Variants in LCOR observed in about 807,000 individuals in gnomAD.
LCOR encodes ligand-dependent corepressor.
Under a neutral mutation model 64.4 loss-of-function variants are expected in LCOR, and 14 were observed. That is an observed-to-expected ratio of 0.22 (90% CI 0.14 to 0.34). The LOEUF (loss-of-function observed/expected upper bound fraction) is 0.34. Among genes scored for constraint, LCOR ranks in the 10% least tolerant of loss-of-function variants. The pLI is 1.00. For missense variants in LCOR, 1,686 were observed against 1,765.3 expected (o/e 0.96, Z 0.80); for synonymous variants, 643 against 642.5 (o/e 1.00, Z -0.01).
In LCOR at chr10:96,916,178, C is replaced by CTAA. The variant is rs1589653306; in HGVS notation, c.-184+8431_-184+8432insTAA. Among the ~76,000 whole-genome samples the CTAA allele has an allele frequency of 2.0e-5, 3 of 152,092 alleles. No individual in the cohort carries two copies. In the East Asian group the frequency reaches 5.8e-4, roughly 30 times the overall value. ...TCCTGAGTAGCTGGGACTACAGGTG[C>CTAA]CCGCCACCACTCCCGTCTAACTTTT... On this transcript the variant is annotated intron_variant, in intron 4 of 7. Coordinates refer to ENST00000421806, the MANE Select transcript of LCOR (RefSeq NM_001346516.2).
rs532254672 is a variant in LCOR at position 96,885,112 on chromosome 10, A to G, written c.-329-22153A>G. On this transcript the variant is annotated intron_variant, in intron 2 of 7. Transcript: ENST00000421806. Reference sequence around the variant, plus strand: ...TCAACTGGAAGTTTCCTGTAAATCTATTTATAGACCTTTTGGGAAAATGCC... The same window carrying G: ...TCAACTGGAAGTTTCCTGTAAATCTGTTTATAGACCTTTTGGGAAAATGCC... Among the ~76,000 whole-genome samples, 15 of 152,306 alleles carry G rather than the reference A, an allele frequency of 9.8e-5. No homozygotes were observed. The South Asian group carries it at 2.7e-3, about 27-fold the overall frequency.
At chr10:96,958,614 AC>A (rs1209146568) in intron 7 of LCOR, 5 of 599,470 alleles carry the variant, frequency 8.3e-6, no homozygotes, top group African/African-American at 1.9e-5. Flanking sequence ...AAGTCCTGAG[AC>A]CTGAAGATTG....
At chr10:96,931,261 T>G (rs937145187) in intron 4 of LCOR, among the ~76,000 whole-genome samples, 4 of 149,252 alleles carry the variant, frequency 2.7e-5, no homozygotes, top group Non-Finnish European at 4.4e-5. Flanking sequence ...TGAGATGGAG[T>G]CTTGCTCTGT....
chr10:96,865,961 T>C (rs1295509229), intron 2 of LCOR, among the ~76,000 whole-genome samples: 4 of 152,126 alleles, frequency 2.6e-5, no homozygotes, highest in African/African-American at 9.7e-5. Context: ...GCCAATCTCT[T>C]ACTGCCACAG....
At chr10:96,929,988 A>G (rs970613145) in intron 4 of LCOR, among the ~76,000 whole-genome samples, 2 of 152,182 alleles carry the variant, frequency 1.3e-5, no homozygotes, top group African/African-American at 2.4e-5. Context: ...TGGGACCTCA[A>G]AATAATTCAC....
chr10:96,913,491 G>A (rs954371145), intron 4 of LCOR, among the ~76,000 whole-genome samples: 4 of 152,168 alleles, frequency 2.6e-5, no homozygotes, highest in African/African-American at 7.2e-5. Context: ...GTAAAGTACA[G>A]ATAACATGGA....
intron 4 of LCOR, among the ~76,000 whole-genome samples, chr10:96,932,983 T>C (rs1847288178): frequency 6.6e-6 from 1 of 152,224 alleles, no homozygotes; most frequent in Admixed American, 6.5e-5. Flanking sequence ...TTCATTAAAA[T>C]GCACAGTTAT....
chr10:96,959,043 C>T (rs1396902832), intron 7 of LCOR: 1 of 151,274 alleles, frequency 6.6e-6, no homozygotes, highest in East Asian at 1.9e-4. Flanking sequence ...TTCAGAGTTC[C>T]ATTATACCAT....
intron 2 of LCOR, among the ~76,000 whole-genome samples, chr10:96,875,150 C>T (rs187196678): frequency 4.7e-4 from 71 of 151,452 alleles, no homozygotes; most frequent in Middle Eastern, 3.4e-3. Context: ...TTTGGGAGGC[C>T]GAGGCAGGCA....
In LCOR at chr10:96,991,878, C is replaced by T. The variant is rs900573201; in HGVS notation, c.*6744C>T. 1 of 152,224 alleles carries T rather than the reference C, an allele frequency of 6.6e-6. No individual in the cohort carries two copies. The highest frequency in any genetic ancestry group is 2.1e-4 in the South Asian group (1 of 4,826). The allele number at this position is 152,224 out of a possible 1,614,324, so 9.4% of individuals were successfully genotyped here. ...TATTCTCTGGGACAGTCCCCCACTT[C>T]CCCAGTGTGGCCCTGAACACAAATT... On this transcript the variant is annotated 3_prime_UTR_variant, in exon 8 of 8. Coordinates refer to ENST00000421806, the MANE Select transcript of LCOR (RefSeq NM_001346516.2).
chr10:96,956,113 A>T (rs1386479066), intron 7 of LCOR: 28 of 1,408,800 alleles, frequency 2.0e-5, no homozygotes, highest in Non-Finnish European at 2.6e-5. Flanking sequence ...CATGTGCAGT[A>T]TGGCTCGGAA....
intron 4 of LCOR, among the ~76,000 whole-genome samples, chr10:96,924,542 A>T (rs1408564242): frequency 6.6e-6 from 1 of 152,038 alleles, no homozygotes; most frequent in Non-Finnish European, 1.5e-5. Flanking sequence ...GCGCCCAGCC[A>T]CATTAAAAAA....
chr10:96,901,072 G>A (rs1320074843), intron 2 of LCOR, among the ~76,000 whole-genome samples: 3 of 151,808 alleles, frequency 2.0e-5, no homozygotes, highest in Non-Finnish European at 4.4e-5. Context: ...GCCTATAGTC[G>A]CAGCTACTCG....
At chr10:96,918,334 G>A (rs1282934949) in intron 4 of LCOR, among the ~76,000 whole-genome samples, 1 of 152,122 alleles carries the variant, frequency 6.6e-6, no homozygotes, top group Admixed American at 6.6e-5. Flanking sequence ...GGTTGAGCAA[G>A]TACCCTCCAA....
At chr10:96,919,093 A>G (rs1303927027) in intron 4 of LCOR, among the ~76,000 whole-genome samples, 2 of 152,244 alleles carry the variant, frequency 1.3e-5, no homozygotes, top group African/African-American at 2.4e-5. Context: ...GTTGAAATGT[A>G]TACACATTGA....
intron 5 of LCOR, among the ~76,000 whole-genome samples, chr10:96,948,240 T>C (rs1847620937): frequency 6.6e-6 from 1 of 152,204 alleles, no homozygotes; most frequent in African/African-American, 2.4e-5. Flanking sequence ...TTTTTACTAG[T>C]TGGCAGAGTT....
rs1433402106 is a variant in LCOR at position 96,990,125 on chromosome 10, ATT to A, written c.*4992_*4993del. 1 of 152,152 alleles carries A rather than the reference ATT, an allele frequency of 6.6e-6. No homozygotes were observed. The highest frequency in any genetic ancestry group is 6.5e-5 in the Admixed American group (1 of 15,296). 9.4% of individuals were successfully genotyped at this position (152,152 alleles called of 1,614,324 possible). On this transcript the variant is annotated 3_prime_UTR_variant, in exon 8 of 8. Transcript: ENST00000421806. ...TCCTTTTCAGGGGAAAAATAAAAAG[ATT>A]ATTGTATTTAAAACGAGCAGAATTG... is the stretch of plus-strand genomic sequence containing the variant.
chr10:96,915,909 A>T, intron 4 of LCOR: 1 of 413,152 alleles, frequency 2.4e-6, no homozygotes, highest in Non-Finnish European at 4.6e-6. Context: ...GCATATTGGC[A>T]GCGACGGCGG....
At chr10:96,844,713 A>C (rs1845597849) in intron 2 of LCOR, among the ~76,000 whole-genome samples, 1 of 152,158 alleles carries the variant, frequency 6.6e-6, no homozygotes, top group Non-Finnish European at 1.5e-5. Context: ...TTCACCATTA[A>C]CTGAGATTGG....
Sources: gnomAD v4.1 joint callset for allele counts (sites outside exome capture counted in the v4.1 genomes callset) on GRCh38, gnomAD v4.1.1 for gene constraint, MANE v1.5 for transcripts, NCBI Gene and HGNC (gene_info 2026-07-23, HGNC 2026-07-21) for gene names.